PTPRT: variants seen among roughly 807,000 people sequenced by gnomAD.
PTPRT encodes the protein protein tyrosine phosphatase receptor type T, also known as receptor-type tyrosine-protein phosphatase T.
A neutral mutation model predicts 176.8 loss-of-function variants in PTPRT; 56 were observed. The observed-to-expected ratio is 0.32, with a 90% CI of 0.26 to 0.40. The LOEUF is 0.40. Among genes scored for constraint, PTPRT ranks in the 10% least tolerant of loss-of-function variants. The pLI, the probability that PTPRT is intolerant of heterozygous loss-of-function variation, is 1.00. For synonymous variants in PTPRT, 783 were observed against 739.0 expected (o/e 1.06, Z -0.96); for missense variants, 1,540 against 1,908.2 (o/e 0.81, Z 3.60).
chr20:42,948,901 T>TA (rs1458747543), intron 1 of PTPRT, among the ~76,000 whole-genome samples: 2 of 152,212 alleles, frequency 1.3e-5, no homozygotes, highest in African/African-American at 4.8e-5. Context: ...TGGACATTTT[T>TA]ATGACCTCTG....
intron 7 of PTPRT, among the ~76,000 whole-genome samples, chr20:42,601,989 T>C (rs1214501283): frequency 6.6e-6 from 1 of 152,132 alleles, no homozygotes; most frequent in Non-Finnish European, 1.5e-5. Flanking sequence ...ACTGAGACCA[T>C]TTATGAAAAT....
intron 2 of PTPRT, among the ~76,000 whole-genome samples, chr20:42,833,006 C>T (rs886660534): frequency 6.6e-6 from 1 of 151,708 alleles, no homozygotes; most frequent in Admixed American, 6.6e-5. Flanking sequence ...GGGAGGATTG[C>T]TTGAACACAG....
chr20:42,634,025 A>AT (rs2074515113), intron 7 of PTPRT, among the ~76,000 whole-genome samples: 2 of 26,176 alleles, frequency 7.6e-5, no homozygotes, highest in African/African-American at 4.2e-4. Flanking sequence ...TATATATAAT[A>AT]TATATATTAT....
chr20:42,638,391 C>A (rs535608785), intron 7 of PTPRT, among the ~76,000 whole-genome samples: 4 of 152,172 alleles, frequency 2.6e-5, no homozygotes, highest in African/African-American at 9.6e-5. Context: ...GGGATGTGTG[C>A]TTTTGAAGAT....
At chr20:42,633,584 C>T (rs1419788647) in intron 7 of PTPRT, among the ~76,000 whole-genome samples, 1 of 150,696 alleles carries the variant, frequency 6.6e-6, no homozygotes, top group Non-Finnish European at 1.5e-5. Flanking sequence ...TCACTTGAGG[C>T]CAGGAGTTCG....
chr20:42,398,124 A>G (rs1308873891), intron 9 of PTPRT, among the ~76,000 whole-genome samples: 1 of 152,206 alleles, frequency 6.6e-6, no homozygotes, highest in Non-Finnish European at 1.5e-5. Flanking sequence ...ATACTACCTC[A>G]AGGTATGTGT....
chr20:42,700,077 C>T (rs901954144), intron 6 of PTPRT, among the ~76,000 whole-genome samples: 11 of 152,146 alleles, frequency 7.2e-5, no homozygotes, highest in Non-Finnish European at 8.8e-5. Context: ...GGCAGTGAAT[C>T]CAGGAAAGCA....
At chr20:42,433,405 G>A (rs546172174) in intron 9 of PTPRT, among the ~76,000 whole-genome samples, 11 of 152,290 alleles carry the variant, frequency 7.2e-5, no homozygotes, top group African/African-American at 2.4e-4. Flanking sequence ...CTGAGAAGAG[G>A]CCAGAGACAG....
intron 22 of PTPRT, among the ~76,000 whole-genome samples, chr20:42,111,483 A>C (rs1264121485): frequency 6.6e-6 from 1 of 152,192 alleles, no homozygotes; most frequent in African/African-American, 2.4e-5. Flanking sequence ...TGGATAAAGG[A>C]GTGCCTGCTA....
intron 11 of PTPRT, among the ~76,000 whole-genome samples, chr20:42,335,602 A>G (rs1185907579): frequency 6.6e-6 from 1 of 152,236 alleles, no homozygotes; most frequent in East Asian, 1.9e-4. Flanking sequence ...AAGTAGCTCA[A>G]AATGAAAAAT....
chr20:42,958,898 G>A (rs559629598), intron 1 of PTPRT, among the ~76,000 whole-genome samples: 12 of 152,224 alleles, frequency 7.9e-5, no homozygotes, highest in African/African-American at 2.9e-4. Flanking sequence ...GTATTTGCCT[G>A]GAAAATCAAT....
At position 42,074,820 on chromosome 20, in the gene PTPRT, T is replaced by G. The variant is rs1208144608; in HGVS notation, c.*6059A>C. 5.0e-6 allele frequency: 2 copies of G among 398,542 alleles called. No individual in the cohort carries two copies. Among genetic ancestry groups the G allele is most frequent in the Non-Finnish European group, 8.8e-6 (2 of 226,080 alleles). The allele number at this position is 398,542 out of a possible 1,614,324, so 24.7% of individuals were successfully genotyped here. A position where few individuals can be genotyped will look rare whatever the true frequency, so the allele number is the denominator to read the frequency against. On this transcript the variant is annotated 3_prime_UTR_variant, in exon 31 of 31. Transcript: ENST00000373187. ...GCAGGTGGGATGCAAAAGACTGGCT[T>G]GATCTCTACAAGACATCTCTATAGT...
chr20:42,128,363 G>A (rs771731866), intron 19 of PTPRT, among the ~76,000 whole-genome samples: 2 of 151,916 alleles, frequency 1.3e-5, no homozygotes, highest in Admixed American at 6.6e-5. Flanking sequence ...AGGTTTTAAA[G>A]GGTAGAGACC....
chr20:43,182,848 CAA>C (rs1186018052), intron 1 of PTPRT, among the ~76,000 whole-genome samples: 3 of 151,638 alleles, frequency 2.0e-5, no homozygotes, highest in African/African-American at 7.3e-5. Flanking sequence ...AAAAACAAAA[CAA>C]AACAAAACAA....
At chr20:42,999,008 A>C (rs1351609873) in intron 1 of PTPRT, among the ~76,000 whole-genome samples, 1 of 152,230 alleles carries the variant, frequency 6.6e-6, no homozygotes, top group East Asian at 1.9e-4. Flanking sequence ...ATTAATTTCA[A>C]GTTTATACCT....
At chr20:42,637,479 A>G (rs953162644) in intron 7 of PTPRT, among the ~76,000 whole-genome samples, 1 of 152,094 alleles carries the variant, frequency 6.6e-6, no homozygotes, top group Non-Finnish European at 1.5e-5. Context: ...TTGCTCCCTC[A>G]ACCCAGAATG....
In PTPRT at chr20:42,633,946, ATATATAAT is replaced by A. The variant is rs1173003514; in HGVS notation, c.1153+43912_1153+43919del. 1.7e-3 allele frequency among the ~76,000 whole-genome samples: 70 copies of A among 42,020 alleles called. 1 individual carries two copies. The highest frequency in any genetic ancestry group is 4.2e-3 in the African/African-American group (45 of 10,686). 27.6% of individuals were successfully genotyped at this position (42,020 alleles called of 152,430 possible). The stretch of plus-strand genomic sequence containing the variant: ...TAATATATTATAATAATATAATATA[ATATATAAT>A]TATATATAATATATTATAATATATT... On this transcript the variant is annotated intron_variant, in intron 7 of 30. Coordinates refer to ENST00000373187, the MANE Select transcript of PTPRT (RefSeq NM_007050.6).
chr20:42,377,202 T>C (rs2058659982), intron 9 of PTPRT, among the ~76,000 whole-genome samples: 1 of 152,176 alleles, frequency 6.6e-6, no homozygotes. Flanking sequence ...AGTCAGGCAC[T>C]GGGTGGAGTT....
downstream of PTPRT, among the ~76,000 whole-genome samples, chr20:42,070,417 T>C (rs1752569953): frequency 2.0e-5 from 3 of 151,816 alleles, no homozygotes; most frequent in African/African-American, 7.3e-5. Flanking sequence ...TAAAGAGAGC[T>C]GTGCCAGTAT....
Sources: allele counts gnomAD v4.1 joint callset (sites outside exome capture counted in the v4.1 genomes callset), GRCh38; gene constraint gnomAD v4.1.1; transcripts MANE v1.5; gene names NCBI Gene and HGNC (gene_info 2026-07-23, HGNC 2026-07-21).